The following FGGY variants were observed in gnomAD, a reference collection of about 807,000 sequenced individuals.
The protein encoded by FGGY is FGGY carbohydrate kinase domain-containing protein.
In FGGY, 72 loss-of-function variants were observed where a neutral mutation model predicts 71.3. The observed-to-expected ratio is 1.01, with a 90% CI of 0.84 to 1.23. The LOEUF is 1.23. Among genes scored for constraint, FGGY ranks in the 50% most tolerant of loss-of-function variants. The pLI is 0.00. For synonymous variants in FGGY, 251 were observed against 250.3 expected (o/e 1.00, Z -0.02); for missense variants, 668 against 682.3 (o/e 0.98, Z 0.23).
intron 8 of FGGY, among the ~76,000 whole-genome samples, chr1:59,589,698 A>G (rs2096389212): frequency 6.6e-6 from 1 of 152,258 alleles, no homozygotes. Flanking sequence ...CTGGGTACAT[A>G]ATGAAATGAA....
chr1:59,489,615 T>C (rs1212010098), intron 6 of FGGY, among the ~76,000 whole-genome samples: 1 of 152,210 alleles, frequency 6.6e-6, no homozygotes, highest in Non-Finnish European at 1.5e-5. Flanking sequence ...TGTTCATTCA[T>C]CTATTATTGG....
chr1:59,731,853 CCT>C (rs999472880), intron 14 of FGGY, among the ~76,000 whole-genome samples: 7 of 152,056 alleles, frequency 4.6e-5, no homozygotes, highest in Non-Finnish European at 1.0e-4. Context: ...GCTCCGAATC[CCT>C]GTTTAAGCTC....
chr1:59,498,905 GTCC>G (rs1265087558), intron 6 of FGGY, among the ~76,000 whole-genome samples: 1 of 152,238 alleles, frequency 6.6e-6, no homozygotes, highest in Non-Finnish European at 1.5e-5. Context: ...AAATGCCAGT[GTCC>G]TCCTTCATTC....
At chr1:59,636,350 G>C (rs2096959062) in intron 10 of FGGY, among the ~76,000 whole-genome samples, 1 of 152,142 alleles carries the variant, frequency 6.6e-6, no homozygotes, top group African/African-American at 2.4e-5. Flanking sequence ...GGACGGGTGT[G>C]GTGGCTCAAG....
At chr1:59,434,623 A>C (rs2068038121) in intron 5 of FGGY, among the ~76,000 whole-genome samples, 1 of 152,230 alleles carries the variant, frequency 6.6e-6, no homozygotes, top group African/African-American at 2.4e-5. Flanking sequence ...TAGGAAGTCC[A>C]AGATCCAGGC....
chr1:59,422,589 G>A (rs1234024178), intron 5 of FGGY, among the ~76,000 whole-genome samples: 1 of 152,034 alleles, frequency 6.6e-6, no homozygotes, highest in Non-Finnish European at 1.5e-5. Context: ...CAGCTACTCA[G>A]GAGGCTGAGG....
intron 14 of FGGY, among the ~76,000 whole-genome samples, chr1:59,715,868 T>C (rs765480918): frequency 6.6e-6 from 1 of 152,210 alleles, no homozygotes; most frequent in African/African-American, 2.4e-5. Flanking sequence ...CTACTGACTG[T>C]TTTTGAAAAT....
intron 5 of FGGY, among the ~76,000 whole-genome samples, chr1:59,416,789 T>C (rs61789971): frequency 0.17 from 26,144 of 152,080 alleles, 2,752 homozygotes; most frequent in East Asian, 0.36. Context: ...TTCCCAGGAA[T>C]CTTCTCTTCC....
intron 1 of FGGY, among the ~76,000 whole-genome samples, chr1:59,308,586 C>T (rs947732125): frequency 1.3e-5 from 2 of 152,104 alleles, no homozygotes; most frequent in Non-Finnish European, 2.9e-5. Context: ...ATCGGAATCA[C>T]CTGGAGGCCT....
At chr1:59,703,749 A>G (rs2097729318) in intron 14 of FGGY, among the ~76,000 whole-genome samples, 1 of 152,198 alleles carries the variant, frequency 6.6e-6, no homozygotes, top group South Asian at 2.1e-4. Context: ...AATAATTCAT[A>G]CTAAAAACAA....
intron 9 of FGGY, among the ~76,000 whole-genome samples, chr1:59,616,321 G>A (rs1423138275): frequency 6.6e-6 from 1 of 152,136 alleles, no homozygotes; most frequent in Non-Finnish European, 1.5e-5. Flanking sequence ...ATGAGTTCAT[G>A]TCCTTTGTAG....
At chr1:59,718,752 C>T (rs899506180) in intron 14 of FGGY, among the ~76,000 whole-genome samples, 1 of 152,184 alleles carries the variant, frequency 6.6e-6, no homozygotes, top group African/African-American at 2.4e-5. Flanking sequence ...TGACACTCCC[C>T]GCTGTATACC....
At chr1:59,613,350 A>G (rs866613404) in intron 9 of FGGY, among the ~76,000 whole-genome samples, 48 of 152,164 alleles carry the variant, frequency 3.2e-4, no homozygotes, top group African/African-American at 1.1e-3. Context: ...AACTCACTCA[A>G]AACCACTCAA....
At chr1:59,686,907 A>C (rs764990137) in intron 14 of FGGY, among the ~76,000 whole-genome samples, 8 of 152,358 alleles carry the variant, frequency 5.3e-5, no homozygotes, top group Non-Finnish European at 1.2e-4. Flanking sequence ...AGTATTTGGC[A>C]CAGTTGCTAG....
chr1:59,507,744 C>T (rs1162410042), intron 6 of FGGY, among the ~76,000 whole-genome samples: 1 of 145,264 alleles, frequency 6.9e-6, no homozygotes, highest in Non-Finnish European at 1.5e-5. Flanking sequence ...TCATGTTGGC[C>T]AGGCTGGTCT....
chr1:59,412,596 A>G (rs897344497), intron 5 of FGGY, among the ~76,000 whole-genome samples: 2 of 152,134 alleles, frequency 1.3e-5, no homozygotes, highest in Admixed American at 6.6e-5. Context: ...CTCCTTCTCT[A>G]TAATCTCTTA....
intron 6 of FGGY, among the ~76,000 whole-genome samples, chr1:59,502,132 G>T (rs2094244809): frequency 6.6e-6 from 1 of 152,102 alleles, no homozygotes; most frequent in African/African-American, 2.4e-5. Flanking sequence ...CTTGCCCAAG[G>T]TCACAAGCCC....
intron 6 of FGGY, among the ~76,000 whole-genome samples, chr1:59,472,782 C>A (rs1175602365): frequency 6.6e-6 from 1 of 151,554 alleles, no homozygotes; most frequent in Non-Finnish European, 1.5e-5. Flanking sequence ...AGGTGGAGAA[C>A]TTTTGTGTCT....
At chr1:59,570,663 C>G (rs1286970834) in intron 8 of FGGY, among the ~76,000 whole-genome samples, 2 of 152,070 alleles carry the variant, frequency 1.3e-5, no homozygotes, top group African/African-American at 2.4e-5. Flanking sequence ...GCAGACACAC[C>G]AGGACGCAAC....
Sources: gnomAD v4.1 joint callset for allele counts (sites outside exome capture counted in the v4.1 genomes callset) on GRCh38, gnomAD v4.1.1 for gene constraint, MANE v1.5 for transcripts, NCBI Gene and HGNC (gene_info 2026-07-23, HGNC 2026-07-21) for gene names.